CTXND1: variants seen among roughly 807,000 people sequenced by gnomAD.
The protein encoded by CTXND1 is cortexin domain-containing 1 protein.
chr15:80,236,090 C>T lies in CTXND1; in HGVS notation c.-218+15917G>A, dbSNP rs1893492282. Reference sequence around the variant, plus strand: ...GCTTGATGGAACAGGGTGGGGAACACCCCAGTGATGCTCAGCCTTTTGCGA... The same window carrying T: ...GCTTGATGGAACAGGGTGGGGAACATCCCAGTGATGCTCAGCCTTTTGCGA... On this transcript the variant is annotated intron_variant, in intron 1 of 2. Transcript: ENST00000560778. 2.0e-5 allele frequency among the ~76,000 whole-genome samples: 3 copies of T among 150,072 alleles called. No homozygotes were observed. In the South Asian group the frequency reaches 6.5e-4, roughly 33 times the overall value.
intron 1 of CTXND1, among the ~76,000 whole-genome samples, chr15:80,221,069 C>T (rs1409515947): frequency 5.3e-5 from 8 of 151,868 alleles, no homozygotes; most frequent in Admixed American, 1.3e-4. Context: ...CCACCACGCT[C>T]GACTAATTTT....
At chr15:80,237,064 G>A (rs545673875) in intron 1 of CTXND1, among the ~76,000 whole-genome samples, 19 of 152,110 alleles carry the variant, frequency 1.2e-4, no homozygotes, top group African/African-American at 3.6e-4. Context: ...GGCCAGGCGC[G>A]GTGGCTCATG....
chr15:80,239,925 T>G (rs1893545552), intron 1 of CTXND1, among the ~76,000 whole-genome samples: 1 of 152,214 alleles, frequency 6.6e-6, no homozygotes, highest in South Asian at 2.1e-4. Context: ...TCCCAAATAT[T>G]CACTTTTGTG....
chr15:80,221,328 A>C (rs1893315861), intron 1 of CTXND1, among the ~76,000 whole-genome samples: 1 of 152,204 alleles, frequency 6.6e-6, no homozygotes, highest in African/African-American at 2.4e-5. Context: ...GAATTGGCTC[A>C]GACCACAAGT....
At chr15:80,233,447 C>G (rs1347561867) in intron 1 of CTXND1, among the ~76,000 whole-genome samples, 1 of 152,124 alleles carries the variant, frequency 6.6e-6, no homozygotes, top group Non-Finnish European at 1.5e-5. Context: ...TCTAGGTATC[C>G]AAGCCTCCAA....
Position 80,204,146 on chromosome 15 carries a change from C to CAAAAA in CTXND1, c.-217-411_-217-407dup, listed in dbSNP as rs1173053524. Among the ~76,000 whole-genome samples, 10 of 2,144 alleles carry CAAAAA rather than the reference C, an allele frequency of 4.7e-3. 3 individuals are homozygous for CAAAAA. The highest frequency in any genetic ancestry group is 6.5e-3 in the Non-Finnish European group (7 of 1,076). 1.4% of individuals were successfully genotyped at this position (2,144 alleles called of 152,430 possible). A position where few individuals can be genotyped will look rare whatever the true frequency, so the allele number is the denominator to read the frequency against. Reference sequence around the variant, plus strand: ...TGGGCGACAGAGCAAGACTGTGTCTCAAAAAAAAAAAAAAAAAAAAAAAAT... The same window carrying CAAAAA: ...TGGGCGACAGAGCAAGACTGTGTCTCAAAAAAAAAAAAAAAAAAAAAAAAAAAAAT... On this transcript the variant is annotated intron_variant, in intron 1 of 2. Transcript: ENST00000560778.
intron 1 of CTXND1, among the ~76,000 whole-genome samples, chr15:80,250,247 C>T (rs1342468985): frequency 6.6e-6 from 1 of 151,992 alleles, no homozygotes; most frequent in East Asian, 1.9e-4. Context: ...TTCATTAACC[C>T]TGTAAGGAAA....
At chr15:80,215,245 C>T (rs1893240065) in intron 1 of CTXND1, among the ~76,000 whole-genome samples, 1 of 152,176 alleles carries the variant, frequency 6.6e-6, no homozygotes. Flanking sequence ...TTGGGGGTAC[C>T]ATTTCTTCTT....
chr15:80,200,281 T>C lies in CTXND1; in HGVS notation c.*1489A>G, dbSNP rs1038892066. 19 of 152,230 alleles carry C rather than the reference T, an allele frequency of 1.2e-4. No individual in the cohort carries two copies. Among genetic ancestry groups the C allele is most frequent in the Admixed American group, 9.8e-4 (15 of 15,290 alleles). The allele number at this position is 152,230 out of a possible 1,614,324, so 9.4% of individuals were successfully genotyped here. A position where few individuals can be genotyped will look rare whatever the true frequency, so the allele number is the denominator to read the frequency against. ...ATTCATGTTTGCCCATGTTCTCTCA[T>C]TTCGTCCTCACAACAACCTTGCGAG... On this transcript the variant is annotated 3_prime_UTR_variant, in exon 3 of 3. Transcript: ENST00000560778.
intron 1 of CTXND1, among the ~76,000 whole-genome samples, chr15:80,239,398 G>A (rs948136323): frequency 6.6e-6 from 1 of 152,226 alleles, no homozygotes; most frequent in Non-Finnish European, 1.5e-5. Flanking sequence ...GTTGCCAAAA[G>A]AGATTAACAT....
At chr15:80,242,769 A>T (rs1285202230) in intron 1 of CTXND1, among the ~76,000 whole-genome samples, 1 of 152,184 alleles carries the variant, frequency 6.6e-6, no homozygotes, top group Non-Finnish European at 1.5e-5. Flanking sequence ...TACAATGTGC[A>T]GGTGGAGCTG....
In CTXND1 at chr15:80,197,550, A is replaced by G. The variant is rs985097928; in HGVS notation, c.*4220T>C. ...GAGAGAGTCTTTGCTGATGACCATC[A>G]AGCTCATAAGTAAGGGCTGGTGTGC... On this transcript the variant is annotated 3_prime_UTR_variant, in exon 3 of 3. Transcript: ENST00000560778. 1 of 152,300 alleles carries G rather than the reference A, an allele frequency of 6.6e-6. No homozygotes were observed. Among genetic ancestry groups the G allele is most frequent in the African/African-American group, 2.4e-5 (1 of 41,460 alleles). 9.4% of individuals were successfully genotyped at this position (152,300 alleles called of 1,614,324 possible). A position where few individuals can be genotyped will look rare whatever the true frequency, so the allele number is the denominator to read the frequency against.
chr15:80,249,247 C>T (rs915752576), intron 1 of CTXND1, among the ~76,000 whole-genome samples: 8 of 152,192 alleles, frequency 5.3e-5, no homozygotes, highest in Non-Finnish European at 2.9e-5. Context: ...CCTCAATTCC[C>T]TGTCTTTCTG....
intron 1 of CTXND1, among the ~76,000 whole-genome samples, chr15:80,209,179 T>G (rs908437569): frequency 6.6e-6 from 1 of 152,176 alleles, no homozygotes; most frequent in Non-Finnish European, 1.5e-5. Flanking sequence ...TCCTTCTGGG[T>G]GGGGTGAATG....
chr15:80,243,845 A>G (rs118022265), intron 1 of CTXND1, among the ~76,000 whole-genome samples: 2 of 152,294 alleles, frequency 1.3e-5, no homozygotes, highest in East Asian at 3.9e-4. Flanking sequence ...TTTTGGGGCT[A>G]CCAGCTTAGA....
At chr15:80,216,760 G>A (rs2142127849) in intron 1 of CTXND1, among the ~76,000 whole-genome samples, 1 of 152,174 alleles carries the variant, frequency 6.6e-6, no homozygotes, top group East Asian at 1.9e-4. Flanking sequence ...GACTACAGGG[G>A]CACGCCACCA....
chr15:80,225,586 G>T (rs2142132383), intron 1 of CTXND1, among the ~76,000 whole-genome samples: 1 of 152,144 alleles, frequency 6.6e-6, no homozygotes, highest in Middle Eastern at 3.4e-3. Context: ...TCCTCAAGTT[G>T]GTCTTTTAAA....
chr15:80,218,709 T>C (rs947187362), intron 1 of CTXND1, among the ~76,000 whole-genome samples: 2 of 151,964 alleles, frequency 1.3e-5, no homozygotes, highest in Admixed American at 1.3e-4. Flanking sequence ...CTATCCAACT[T>C]TAACCAATAT....
At chr15:80,202,790 G>A (rs546198638) in intron 2 of CTXND1, among the ~76,000 whole-genome samples, 8 of 152,302 alleles carry the variant, frequency 5.3e-5, no homozygotes, top group East Asian at 3.9e-4. Context: ...TCCTGCTGAC[G>A]CCAGCACATG....
Sources: allele counts gnomAD v4.1 joint callset (sites outside exome capture counted in the v4.1 genomes callset), GRCh38; gene constraint gnomAD v4.1.1; transcripts MANE v1.5; gene names NCBI Gene and HGNC (gene_info 2026-07-23, HGNC 2026-07-21).